The following LNPK variants were observed in gnomAD, a reference collection of about 807,000 sequenced individuals.
LNPK encodes the protein lunapark, ER junction formation factor.
In LNPK, 29 loss-of-function variants were observed where a neutral mutation model predicts 55.2. The ratio of observed to expected loss-of-function variants is 0.53; its 90% CI spans 0.39 to 0.72. LNPK has a LOEUF of 0.72. Ranked by LOEUF, LNPK falls within the 30% of genes least tolerant of loss-of-function variation. The probability of loss-of-function intolerance (pLI) is 0.00; values close to 1 mark genes in which losing one functional copy is unlikely to be tolerated. For synonymous variants in LNPK, 162 were observed against 168.2 expected (o/e 0.96, Z 0.29); for missense variants, 467 against 494.8 (o/e 0.94, Z 0.53).
intron 4 of LNPK, among the ~76,000 whole-genome samples, chr2:175,986,852 A>G (rs1452729826): frequency 6.6e-6 from 1 of 152,168 alleles, no homozygotes; most frequent in Non-Finnish European, 1.5e-5. Flanking sequence ...AAACATTAGA[A>G]GAATTCCCAA....
intron 4 of LNPK, 128 bp from the exon 5 acceptor site, chr2:175,979,996 T>C (rs1687095383): frequency 9.8e-6 from 8 of 817,138 alleles, no homozygotes; most frequent in Non-Finnish European, 1.4e-5. Context: ...TACAGAAAAC[T>C]AAAAAGCGTT....
intron 8 of LNPK, among the ~76,000 whole-genome samples, chr2:175,951,978 T>C (rs1461119800): frequency 6.6e-6 from 1 of 152,090 alleles, no homozygotes; most frequent in Non-Finnish European, 1.5e-5. Flanking sequence ...TGCATTTCCC[T>C]GATCATTAGT....
At chr2:175,996,306 C>T (rs1687929626) in intron 1 of LNPK, among the ~76,000 whole-genome samples, 2 of 152,172 alleles carry the variant, frequency 1.3e-5, no homozygotes, top group Admixed American at 1.3e-4. Context: ...ATACTATACA[C>T]TTAAATAATT....
At chr2:175,979,946 A>G (rs1687092145) in intron 4 of LNPK, 78 bp from the exon 5 acceptor site, 7 of 1,313,490 alleles carry the variant, frequency 5.3e-6, no homozygotes, top group East Asian at 2.4e-5. Context: ...ATGAAAACAT[A>G]TATTTCCAAT....
chr2:176,000,106 G>C (rs1688106040), intron 1 of LNPK, among the ~76,000 whole-genome samples: 1 of 152,124 alleles, frequency 6.6e-6, no homozygotes, highest in South Asian at 2.1e-4. Flanking sequence ...CACCTTATTT[G>C]AATGTTTTCT....
At chr2:175,954,986 T>C (rs1233601520) in intron 8 of LNPK, among the ~76,000 whole-genome samples, 2 of 152,192 alleles carry the variant, frequency 1.3e-5, no homozygotes, top group Non-Finnish European at 2.9e-5. Context: ...AAGTGAGGAC[T>C]TCACAAGAGG....
chr2:175,930,891 C>T (rs1684252314), intron 12 of LNPK, among the ~76,000 whole-genome samples: 1 of 152,126 alleles, frequency 6.6e-6, no homozygotes, highest in South Asian at 2.1e-4. Context: ...ATCCCATCTC[C>T]ATAGCAGAAG....
intron 5 of LNPK, among the ~76,000 whole-genome samples, chr2:175,978,293 G>A (rs1308780042): frequency 7.9e-5 from 12 of 152,036 alleles, no homozygotes; most frequent in African/African-American, 2.9e-4. Context: ...GGATGTGTAG[G>A]TTACATCCAA....
intron 9 of LNPK, among the ~76,000 whole-genome samples, chr2:175,947,046 G>C (rs1685164419): frequency 6.6e-6 from 1 of 151,670 alleles, no homozygotes; most frequent in South Asian, 2.1e-4. Flanking sequence ...ATTAACAAAA[G>C]TATACAATAC....
intron 8 of LNPK, among the ~76,000 whole-genome samples, chr2:175,959,049 A>T (rs1685859182): frequency 6.6e-6 from 1 of 152,224 alleles, no homozygotes; most frequent in South Asian, 2.1e-4. Flanking sequence ...CAAAGCATCC[A>T]AGAAATATGG....
intron 4 of LNPK, among the ~76,000 whole-genome samples, chr2:175,986,855 A>T (rs1404713753): frequency 6.6e-6 from 1 of 152,106 alleles, no homozygotes; most frequent in Non-Finnish European, 1.5e-5. Flanking sequence ...CATTAGAAGA[A>T]TTCCCAAAAA....
intron 4 of LNPK, among the ~76,000 whole-genome samples, chr2:175,984,460 C>G (rs1463097584): frequency 6.6e-6 from 1 of 152,086 alleles, no homozygotes; most frequent in Non-Finnish European, 1.5e-5. Context: ...AGGCGTGAAC[C>G]ACTGCACCCG....
At chr2:175,975,161 G>C (rs1306903707) in intron 5 of LNPK, among the ~76,000 whole-genome samples, 2 of 151,822 alleles carry the variant, frequency 1.3e-5, no homozygotes, top group African/African-American at 4.8e-5. Context: ...CTGATAAAAA[G>C]CATTAACATT....
intron 4 of LNPK, among the ~76,000 whole-genome samples, chr2:175,988,850 T>C (rs1687560231): frequency 6.6e-6 from 1 of 152,194 alleles, no homozygotes; most frequent in Non-Finnish European, 1.5e-5. Context: ...CTCGGCTCAC[T>C]GTAAGCTCTG....
intron 9 of LNPK, among the ~76,000 whole-genome samples, chr2:175,945,510 G>GAAAAAAAAAAAAAA (rs758611547): frequency 9.5e-6 from 1 of 105,086 alleles, no homozygotes; most frequent in Non-Finnish European, 1.9e-5. Flanking sequence ...TGTCTCAAAA[G>GAAAAAAAAAAAAAA]AAAAAAAAAA....
chr2:175,926,345 G>C lies in LNPK; in HGVS notation c.*3622C>G, dbSNP rs1684006593. 6.6e-6 allele frequency: 1 copy of C among 152,232 alleles called. No homozygotes were observed. The highest frequency in any genetic ancestry group is 1.5e-5 in the Non-Finnish European group (1 of 68,088). The allele number at this position is 152,232 out of a possible 1,614,324, so 9.4% of individuals were successfully genotyped here. On this transcript the variant is annotated 3_prime_UTR_variant, in exon 13 of 13. Transcript: ENST00000272748. ...ATTAATGCTCATTATAAAAGAGCTTGAGGTTGCAACTTCCATCTCTTGCTC... is the reference window on the plus strand; with the variant it reads ...ATTAATGCTCATTATAAAAGAGCTTCAGGTTGCAACTTCCATCTCTTGCTC...
chr2:175,983,164 C>A (rs751741144), intron 4 of LNPK, among the ~76,000 whole-genome samples: 33 of 152,118 alleles, frequency 2.2e-4, no homozygotes, highest in Non-Finnish European at 3.4e-4. Context: ...ACAAGATGCA[C>A]AGCTACAGGC....
In LNPK at chr2:176,002,246, C is replaced by G. The variant is rs765980406; in HGVS notation, c.-149G>C. Reference sequence around the variant, plus strand: ...CCCAGCCTGCCTCCAGAGCAGGCAGCAGCCGCCACTGACAGAGAGACAAGC... The same window carrying G: ...CCCAGCCTGCCTCCAGAGCAGGCAGGAGCCGCCACTGACAGAGAGACAAGC... On this transcript the variant is annotated 5_prime_UTR_variant, in exon 1 of 13. Coordinates refer to ENST00000272748, the MANE Select transcript of LNPK (RefSeq NM_030650.3). 18 of 450,864 alleles carry G rather than the reference C, an allele frequency of 4.0e-5. No individual in the cohort carries two copies. In the East Asian group the frequency reaches 1.2e-3, roughly 31 times the overall value. 27.9% of individuals were successfully genotyped at this position (450,864 alleles called of 1,614,324 possible). A position where few individuals can be genotyped will look rare whatever the true frequency, so the allele number is the denominator to read the frequency against.
intron 8 of LNPK, among the ~76,000 whole-genome samples, chr2:175,964,060 C>A (rs1210553014): frequency 6.6e-6 from 1 of 151,574 alleles, no homozygotes; most frequent in Non-Finnish European, 1.5e-5. Context: ...ACAGATATTC[C>A]AAGAGACTAT....
Sources: gnomAD v4.1 joint callset for allele counts (sites outside exome capture counted in the v4.1 genomes callset) on GRCh38, gnomAD v4.1.1 for gene constraint, MANE v1.5 for transcripts, NCBI Gene and HGNC (gene_info 2026-07-23, HGNC 2026-07-21) for gene names.